SMCHD1: variants seen among roughly 807,000 people sequenced by gnomAD.
SMCHD1 encodes the protein structural maintenance of chromosomes flexible hinge domain containing 1.
In SMCHD1, 78 loss-of-function variants were observed where a neutral mutation model predicts 254.7. The observed-to-expected ratio is 0.31, with a 90% CI of 0.26 to 0.37. The LOEUF (loss-of-function observed/expected upper bound fraction) is 0.37, where lower values mean the gene tolerates loss of function less well. SMCHD1 is among the 10% of genes least tolerant of loss of function. The pLI is 1.00. For synonymous variants in SMCHD1, 766 were observed against 794.9 expected, an observed-to-expected ratio of 0.96 and a Z score of 0.61; for missense variants, 1,840 against 2,408.1, an observed-to-expected ratio of 0.76 and a Z score of 4.94.
intron 34 of SMCHD1, 178 bp downstream of exon 34, chr18:2,752,730 A>G (rs1443057465): frequency 5.6e-6 from 3 of 531,670 alleles, no homozygotes; most frequent in African/African-American, 2.0e-5. Flanking sequence ...TAAGCATTAA[A>G]TTGGTTTTAA....
At chr18:2,766,038 G>C (rs556545060) in intron 37 of SMCHD1, among the ~76,000 whole-genome samples, 66 of 141,880 alleles carry the variant, frequency 4.7e-4, no homozygotes, top group Admixed American at 1.4e-3. Context: ...GTCTCACCCA[G>C]GCTGGAGTGC....
At chr18:2,703,928 T>G in intron 13 of SMCHD1, 42 bp downstream of exon 13, 1 of 1,444,158 alleles carries the variant, frequency 6.9e-7, no homozygotes, top group Non-Finnish European at 9.3e-7. Flanking sequence ...TAATTTTTAA[T>G]TTAATTTAAA....
At chr18:2,665,463 G>A (rs1375948707) in intron 1 of SMCHD1, among the ~76,000 whole-genome samples, 1 of 152,068 alleles carries the variant, frequency 6.6e-6, no homozygotes, top group Admixed American at 6.6e-5. Context: ...TGGGATTACA[G>A]GTGTGCGCCA....
At chr18:2,672,860 T>TA (rs935654923) in intron 3 of SMCHD1, among the ~76,000 whole-genome samples, 1 of 152,044 alleles carries the variant, frequency 6.6e-6, no homozygotes. Context: ...ATAGGAAATT[T>TA]AAAAAAAAGA....
chr18:2,683,262 G>A (rs1009280803), intron 5 of SMCHD1, among the ~76,000 whole-genome samples: 1 of 151,582 alleles, frequency 6.6e-6, no homozygotes, highest in Non-Finnish European at 1.5e-5. Context: ...TTAGCTCATA[G>A]ACTTTGGTTA....
At chr18:2,710,661 TTC>T (rs1298372689) in intron 17 of SMCHD1, among the ~76,000 whole-genome samples, 2 of 152,214 alleles carry the variant, frequency 1.3e-5, no homozygotes, top group African/African-American at 4.8e-5. Context: ...TGCCTTTTAT[TTC>T]TTTTTCTTAC....
At chr18:2,762,827 T>C (rs2075809489) in intron 36 of SMCHD1, among the ~76,000 whole-genome samples, 1 of 152,174 alleles carries the variant, frequency 6.6e-6, no homozygotes, top group African/African-American at 2.4e-5. Context: ...ACCTGTTTAG[T>C]GTATCTATCA....
intron 29 of SMCHD1, among the ~76,000 whole-genome samples, chr18:2,747,066 A>G (rs374946137): frequency 3.3e-5 from 5 of 152,362 alleles, no homozygotes; most frequent in African/African-American, 7.2e-5. Context: ...GCTAAACTAC[A>G]GATTGCCAAT....
At chr18:2,781,889 A>G (rs2076162643) in intron 44 of SMCHD1, among the ~76,000 whole-genome samples, 1 of 152,216 alleles carries the variant, frequency 6.6e-6, no homozygotes, top group Non-Finnish European at 1.5e-5. Flanking sequence ...TCTAACCAAA[A>G]TGTAATCAGA....
intron 36 of SMCHD1, among the ~76,000 whole-genome samples, chr18:2,762,471 C>T (rs2075803094): frequency 6.7e-6 from 1 of 148,548 alleles, no homozygotes; most frequent in African/African-American, 2.5e-5. Flanking sequence ...ACTCAAAATG[C>T]AGAAATCTCA....
intron 47 of SMCHD1, among the ~76,000 whole-genome samples, chr18:2,799,260 TC>T (rs1219639665): frequency 2.0e-5 from 3 of 152,146 alleles, no homozygotes; most frequent in South Asian, 4.1e-4. Context: ...TATTTTACAT[TC>T]TTTTTTTTTA....
intron 10 of SMCHD1, among the ~76,000 whole-genome samples, chr18:2,700,248 A>T (rs1484910266): frequency 6.6e-6 from 1 of 152,214 alleles, no homozygotes; most frequent in African/African-American, 2.4e-5. Flanking sequence ...GGATTTTGTT[A>T]TAGGGGATAA....
chr18:2,703,053 A>G (rs1483589161), intron 12 of SMCHD1, among the ~76,000 whole-genome samples: 1 of 152,222 alleles, frequency 6.6e-6, no homozygotes, highest in African/African-American at 2.4e-5. Flanking sequence ...GTATTATTAG[A>G]AAACACTTCA....
chr18:2,707,719 C>A, intron 16 of SMCHD1, 74 bp downstream of exon 16: 3 of 1,455,964 alleles, frequency 2.1e-6, no homozygotes, highest in South Asian at 1.2e-5. Flanking sequence ...TGTAAAAGGT[C>A]ACGAGATATT....
At chr18:2,669,510 C>T (rs1238611638) in intron 3 of SMCHD1, among the ~76,000 whole-genome samples, 1 of 152,100 alleles carries the variant, frequency 6.6e-6, no homozygotes, top group Non-Finnish European at 1.5e-5. Flanking sequence ...CACTGCCTGC[C>T]CTTTCTTCTC....
chr18:2,685,678 A>G (rs116133381), intron 5 of SMCHD1, among the ~76,000 whole-genome samples: 3,355 of 152,234 alleles, frequency 0.022, 51 homozygotes, highest in Middle Eastern at 0.099. Context: ...TACCTAATCA[A>G]GGTACCTTAT....
intron 39 of SMCHD1, among the ~76,000 whole-genome samples, chr18:2,770,836 G>A (rs150781416): frequency 3.9e-5 from 6 of 152,182 alleles, no homozygotes; most frequent in South Asian, 2.1e-4. Flanking sequence ...GGCCGGGCTG[G>A]TCTCGAACTT....
At chr18:2,675,097 A>G (rs2073710551) in intron 5 of SMCHD1, among the ~76,000 whole-genome samples, 1 of 152,224 alleles carries the variant, frequency 6.6e-6, no homozygotes, top group Non-Finnish European at 1.5e-5. Context: ...GCCTCAGCTT[A>G]CATAGCCATA....
intron 19 of SMCHD1, among the ~76,000 whole-genome samples, chr18:2,719,647 C>A (rs1218905868): frequency 6.7e-6 from 1 of 148,590 alleles, no homozygotes; most frequent in African/African-American, 2.5e-5. Context: ...GGCTGGAGTG[C>A]AGTGGTGTGA....
Sources: gnomAD v4.1 joint callset for allele counts (sites outside exome capture counted in the v4.1 genomes callset) on GRCh38, gnomAD v4.1.1 for gene constraint, MANE v1.5 for transcripts, NCBI Gene and HGNC (gene_info 2026-07-23, HGNC 2026-07-21) for gene names.